FERMT2: variants seen among roughly 807,000 people sequenced by gnomAD.
FERMT2 encodes fermitin family homolog 2.
FERMT2 carries 15 observed loss-of-function variants against 82.7 expected under a neutral mutation model. That is an observed-to-expected ratio of 0.18 (90% confidence interval 0.12 to 0.28). FERMT2 has a LOEUF of 0.28. FERMT2 is among the 10% of genes least tolerant of loss of function. The pLI is 1.00. For missense variants in FERMT2, 645 were observed against 809.4 expected, an observed-to-expected ratio of 0.80 and a Z score of 2.46; for synonymous variants, 274 against 271.5, an observed-to-expected ratio of 1.01 and a Z score of -0.09.
At chr14:52,901,674 G>A (rs1887660512) in intron 3 of FERMT2, among the ~76,000 whole-genome samples, 1 of 152,194 alleles carries the variant, frequency 6.6e-6, no homozygotes, top group Non-Finnish European at 1.5e-5. Flanking sequence ...TCTAGGAGCT[G>A]AGAATGACCC....
chr14:52,919,009 C>T (rs748936621), intron 3 of FERMT2, 114 bp downstream of exon 3: 19 of 632,814 alleles, frequency 3.0e-5, no homozygotes, highest in Non-Finnish European at 5.2e-5. Flanking sequence ...CACACACATA[C>T]ATATATACAG....
rs867519098 is a variant in FERMT2 at position 52,872,931 on chromosome 14, T to A, written c.1149-8A>T. 1.2e-6 allele frequency: 2 copies of A among 1,611,772 alleles called. No individual in the cohort carries two copies. Among genetic ancestry groups the A allele is most frequent in the Middle Eastern group, 3.3e-4 (2 of 6,026 alleles). On this transcript the variant is annotated splice_polypyrimidine_tract_variant and splice_region_variant and intron_variant, in intron 9 of 14. Coordinates refer to ENST00000341590, the MANE Select transcript of FERMT2 (RefSeq NM_006832.3). ...AGAGTCAGCTTTTTTGGCCTATGTA[T>A]CAAAGAGAATTAACAACAAAATCAC...
intron 4 of FERMT2, among the ~76,000 whole-genome samples, chr14:52,889,918 C>T (rs902253584): frequency 1.3e-5 from 2 of 151,950 alleles, no homozygotes; most frequent in Non-Finnish European, 2.9e-5. Flanking sequence ...CACTTGAGAC[C>T]AGGAGTTCAA....
At chr14:52,950,634 T>TTCGGTGGGATTCG in intron 1 of FERMT2, 57 bp from the exon 2 acceptor site, 1 of 1,553,318 alleles carries the variant, frequency 6.4e-7, no homozygotes, top group Non-Finnish European at 8.8e-7. Flanking sequence ...GAAAGGCGAA[T>TTCGGTGGGATTCG]CCCACCGAAT....
In FERMT2 at chr14:52,867,069, A is replaced by G. The variant is rs186125527; in HGVS notation, c.1274-2216T>C. 4.5e-3 allele frequency among the ~76,000 whole-genome samples: 683 copies of G among 150,246 alleles called. 3 individuals are homozygous for G. Among genetic ancestry groups the G allele is most frequent in the Admixed American group, 6.6e-3 (99 of 15,076 alleles). On this transcript the variant is annotated intron_variant, in intron 10 of 14. Transcript: ENST00000341590. ...TACCTCTTTCCCCCTTCCTTGTCAT[A>G]GATAAAGTTCATTAAAAAGCTTTGC...
intron 2 of FERMT2, among the ~76,000 whole-genome samples, chr14:52,930,987 T>G (rs979664304): frequency 6.6e-6 from 1 of 152,122 alleles, no homozygotes; most frequent in Non-Finnish European, 1.5e-5. Context: ...GATTTTAGAG[T>G]TGGGGATCAT....
intron 7 of FERMT2, among the ~76,000 whole-genome samples, chr14:52,876,978 T>A (rs1450490956): frequency 5.9e-5 from 9 of 152,158 alleles, no homozygotes; most frequent in South Asian, 2.1e-4. Context: ...ACCATTCCAT[T>A]TCCATGAATT....
intron 2 of FERMT2, among the ~76,000 whole-genome samples, chr14:52,947,300 A>C (rs1890401403): frequency 6.6e-6 from 1 of 152,148 alleles, no homozygotes; most frequent in South Asian, 2.1e-4. Context: ...TAACACGGTG[A>C]AACCCCGTCT....
At chr14:52,948,466 G>A in intron 2 of FERMT2, 1 of 410,104 alleles carries the variant, frequency 2.4e-6, no homozygotes, top group South Asian at 1.8e-5. Context: ...AGGAAAGTCA[G>A]AGGCACTTTC....
intron 2 of FERMT2, among the ~76,000 whole-genome samples, chr14:52,933,480 G>T (rs964707151): frequency 1.7e-4 from 26 of 151,836 alleles, no homozygotes; most frequent in African/African-American, 6.3e-4. Flanking sequence ...AGGCTGAGGT[G>T]GGGGGGAATC....
At chr14:52,936,439 A>G (rs549674372) in intron 2 of FERMT2, among the ~76,000 whole-genome samples, 24 of 152,322 alleles carry the variant, frequency 1.6e-4, no homozygotes, top group African/African-American at 5.8e-4. Flanking sequence ...CCCCCTATTT[A>G]AAGTCTTTTA....
chr14:52,920,311 A>T (rs1888885038), intron 2 of FERMT2, among the ~76,000 whole-genome samples: 1 of 152,184 alleles, frequency 6.6e-6, no homozygotes, highest in Non-Finnish European at 1.5e-5. Context: ...GTGATGTTTC[A>T]AAAAACAAAA....
chr14:52,859,050 A>G, intron 14 of FERMT2: 1 of 157,780 alleles, frequency 6.3e-6, no homozygotes, highest in Non-Finnish European at 1.4e-5. Context: ...ATACTCGTAT[A>G]CTCCAAGACT....
Position 52,919,189 on chromosome 14 carries a change from C to T in FERMT2, c.325G>A (p.Val109Met). The T allele has an allele frequency of 6.2e-7, 1 of 1,614,090 alleles. No individual in the cohort carries two copies. ...TCAGAGAAATTCACTTTCACCTTCA[C>T]ATACTTCATGTTGGGAAGCTGCAGG... ...LRLQLPNMKY[V>M]KVKVNFSDRV... is the part of the protein sequence containing the mutation. Residue 109 changes from valine to methionine, a missense_variant, in exon 3 of 15, where the codon GTG becomes ATG. Coordinates refer to ENST00000341590, the MANE Select transcript of FERMT2 (RefSeq NM_006832.3).
chr14:52,922,539 AAGAC>A (rs1889024105), intron 2 of FERMT2, among the ~76,000 whole-genome samples: 1 of 152,230 alleles, frequency 6.6e-6, no homozygotes, highest in African/African-American at 2.4e-5. Flanking sequence ...GACATAATAA[AAGAC>A]AGGCTCAAAC....
At chr14:52,930,977 G>A (rs1320610538) in intron 2 of FERMT2, among the ~76,000 whole-genome samples, 1 of 151,930 alleles carries the variant, frequency 6.6e-6, no homozygotes, top group Non-Finnish European at 1.5e-5. Context: ...CTTCTCTTTC[G>A]ATTTTAGAGT....
At chr14:52,888,718 C>A (rs1352193462) in intron 4 of FERMT2, among the ~76,000 whole-genome samples, 1 of 152,174 alleles carries the variant, frequency 6.6e-6, no homozygotes, top group Admixed American at 6.5e-5. Flanking sequence ...ACAAAACCTC[C>A]TCAGCTTCCC....
At chr14:52,947,254 C>T (rs1288620833) in intron 2 of FERMT2, among the ~76,000 whole-genome samples, 1 of 152,126 alleles carries the variant, frequency 6.6e-6, no homozygotes, top group Non-Finnish European at 1.5e-5. Flanking sequence ...CCAAGGCAGG[C>T]GGATGACGAG....
chr14:52,903,419 T>C (rs1380782428), intron 3 of FERMT2, among the ~76,000 whole-genome samples: 13 of 151,974 alleles, frequency 8.6e-5, no homozygotes, highest in Admixed American at 8.5e-4. Flanking sequence ...ACACCTGTAG[T>C]CTCAGCTACT....
Sources: allele counts gnomAD v4.1 joint callset (sites outside exome capture counted in the v4.1 genomes callset), GRCh38; gene constraint gnomAD v4.1.1; transcripts MANE v1.5; gene names NCBI Gene and HGNC (gene_info 2026-07-23, HGNC 2026-07-21).